Variants in DACH2 observed in about 807,000 individuals in gnomAD.
DACH2 encodes dachshund homolog 2.
DACH2 carries 17 observed loss-of-function variants against 35.8 expected under a neutral mutation model. That is an observed-to-expected ratio of 0.48 (90% CI 0.33 to 0.71). The LOEUF is 0.71. Ranked by LOEUF, DACH2 falls within the 30% of genes least tolerant of loss-of-function variation. The pLI is 0.02. For synonymous variants in DACH2, 195 were observed against 177.3 expected (o/e 1.10, Z -0.79); for missense variants, 469 against 472.7 (o/e 0.99, Z 0.07).
rs2033652523 is a variant in DACH2 at position 86,262,932 on chromosome X, C to T, written c.488+113824C>T. On this transcript the variant is annotated intron_variant, in intron 1 of 11. Coordinates refer to ENST00000373125, the MANE Select transcript of DACH2 (RefSeq NM_053281.3). ...AAAGAAACAAACAATCTCAGTCTCCCTCCACATTAAAACAACCCCCATCCC... is the reference window on the plus strand; with the variant it reads ...AAAGAAACAAACAATCTCAGTCTCCTTCCACATTAAAACAACCCCCATCCC... The T allele has an allele frequency of 5.7e-6, 4 of 703,807 alleles. No individual in the cohort carries two copies. The Admixed American group carries it at 2.7e-4, about 47-fold the overall frequency. The allele number at this position is 703,807 out of a possible 1,213,427, so 58.0% of individuals were successfully genotyped here.
chrX:86,385,248 AG>A (rs1177822290), intron 2 of DACH2, among the ~76,000 whole-genome samples: 2 of 111,527 alleles, frequency 1.8e-5, no homozygotes, highest in African/African-American at 6.5e-5. Context: ...GGTATAAAGA[AG>A]GTAGTAGTTT....
chrX:86,481,721 C>T (rs954267722), intron 2 of DACH2: 2 of 111,761 alleles, frequency 1.8e-5, no homozygotes, highest in African/African-American at 6.5e-5. Context: ...TTGATCAGGA[C>T]CTGAAATGAA....
chrX:86,390,185 T>TA (rs11444467), intron 2 of DACH2, among the ~76,000 whole-genome samples: 1,370 of 110,461 alleles, frequency 0.012, 20 homozygotes, highest in African/African-American at 0.042. Context: ...TGTCTCTGGT[T>TA]AAAAAAAAAC....
intron 2 of DACH2, among the ~76,000 whole-genome samples, chrX:86,438,587 A>G (rs2037108841): frequency 8.9e-6 from 1 of 111,879 alleles, no homozygotes; most frequent in Admixed American, 9.5e-5. Flanking sequence ...CATTTTCTTT[A>G]ACCAGTCTAT....
intron 3 of DACH2, among the ~76,000 whole-genome samples, chrX:86,604,733 C>T (rs2148361801): frequency 9.0e-6 from 1 of 111,340 alleles, no homozygotes; most frequent in East Asian, 2.8e-4. Context: ...AATGTAATCA[C>T]ATGAGTCCTT....
chrX:86,643,172 G>GTTTTTTT (rs57842008), intron 3 of DACH2, among the ~76,000 whole-genome samples: 12 of 84,544 alleles, frequency 1.4e-4, no homozygotes, highest in Non-Finnish European at 2.7e-4. Context: ...TCCAGGAATT[G>GTTTTTTT]TTTTTTTTTT....
rs770680523 is a variant in DACH2, at chrX:86,308,792, A to T, written c.489-68032A>T. On this transcript the variant is annotated intron_variant, in intron 1 of 11. Transcript: ENST00000373125. ...ACTAGTGGATACTGGCTCTGAGCTGATGTTGATTCCAGGCAACTCATAATG... is the reference window on the plus strand; with the variant it reads ...ACTAGTGGATACTGGCTCTGAGCTGTTGTTGATTCCAGGCAACTCATAATG... Among the ~76,000 whole-genome samples the T allele has an allele frequency of 2.7e-4, 30 of 111,666 alleles. 1 individual carries two copies. The highest frequency in any genetic ancestry group is 9.4e-4 in the African/African-American group (29 of 30,719).
chrX:86,815,659 TTA>T (rs1050978976), intron 10 of DACH2, among the ~76,000 whole-genome samples: 1 of 106,104 alleles, frequency 9.4e-6, no homozygotes, highest in East Asian at 2.9e-4. Flanking sequence ...ATATATATGA[TTA>T]TATATATATC....
At chrX:86,747,473 G>A (rs1379763834) in intron 7 of DACH2, among the ~76,000 whole-genome samples, 2 of 111,172 alleles carry the variant, frequency 1.8e-5, no homozygotes, top group South Asian at 3.8e-4. Context: ...AGACCACCAC[G>A]ATAAAGCATA....
chrX:86,297,820 G>C (rs1472413206), intron 1 of DACH2, among the ~76,000 whole-genome samples: 2 of 112,069 alleles, frequency 1.8e-5, no homozygotes, highest in East Asian at 2.8e-4. Flanking sequence ...GGGAAATCGT[G>C]TACTTTATTT....
chrX:86,349,639 A>G (rs1304651057), intron 1 of DACH2, among the ~76,000 whole-genome samples: 1 of 112,353 alleles, frequency 8.9e-6, no homozygotes, highest in Non-Finnish European at 1.9e-5. Flanking sequence ...GTTCCTGTTA[A>G]TTCTTAAAAT....
chrX:86,456,139 T>G (rs1177133986), intron 2 of DACH2, among the ~76,000 whole-genome samples: 1 of 112,033 alleles, frequency 8.9e-6, no homozygotes, highest in Non-Finnish European at 1.9e-5. Context: ...TGCTTTTCTT[T>G]GTTCTTCATG....
At chrX:86,172,252 G>T (rs7061344) in intron 1 of DACH2, among the ~76,000 whole-genome samples, 7,903 of 111,480 alleles carry the variant, frequency 0.071, 675 homozygotes, top group African/African-American at 0.24. Flanking sequence ...ATAATTTTGT[G>T]GTGAAATTTC....
At chrX:86,643,009 G>T (rs1428125036) in intron 3 of DACH2, among the ~76,000 whole-genome samples, 1 of 110,289 alleles carries the variant, frequency 9.1e-6, no homozygotes, top group African/African-American at 3.3e-5. Flanking sequence ...AAGTTAGGAA[G>T]ATTTCAAATT....
intron 1 of DACH2, among the ~76,000 whole-genome samples, chrX:86,350,029 C>T (rs1441894109): frequency 1.8e-5 from 2 of 110,929 alleles, no homozygotes; most frequent in African/African-American, 6.6e-5. Context: ...TTAGCCGTGC[C>T]TGATGGCGCA....
chrX:86,427,912 A>G (rs912449999), intron 2 of DACH2, among the ~76,000 whole-genome samples: 9 of 112,041 alleles, frequency 8.0e-5, no homozygotes, highest in African/African-American at 2.6e-4. Flanking sequence ...TATTTTAGAA[A>G]GCAAAAGATT....
chrX:86,355,151 G>A (rs1354147156), intron 1 of DACH2, among the ~76,000 whole-genome samples: 6 of 111,690 alleles, frequency 5.4e-5, no homozygotes, highest in African/African-American at 2.0e-4. Flanking sequence ...GTGAACATAC[G>A]TGGTATTTGG....
At chrX:86,720,252 T>C (rs1422977867) in intron 6 of DACH2, among the ~76,000 whole-genome samples, 3 of 110,766 alleles carry the variant, frequency 2.7e-5, no homozygotes, top group African/African-American at 9.9e-5. Context: ...CCCACAAATG[T>C]TAATGCATCC....
intron 3 of DACH2, among the ~76,000 whole-genome samples, chrX:86,632,250 G>A (rs2040209849): frequency 3.6e-5 from 4 of 111,143 alleles, no homozygotes; most frequent in African/African-American, 3.3e-5. Flanking sequence ...GGCATGGAAC[G>A]CCATCCAATT....
Sources: gnomAD v4.1 joint callset for allele counts (sites outside exome capture counted in the v4.1 genomes callset) on GRCh38, gnomAD v4.1.1 for gene constraint, MANE v1.5 for transcripts, NCBI Gene and HGNC (gene_info 2026-07-23, HGNC 2026-07-21) for gene names.